The following TTC21A variants were observed in gnomAD, a reference collection of about 807,000 sequenced individuals.
TTC21A encodes the protein tetratricopeptide repeat protein 21A.
TTC21A carries 128 observed loss-of-function variants against 156.4 expected under a neutral mutation model. That is an observed-to-expected ratio of 0.82 (90% CI 0.71 to 0.95). The LOEUF (loss-of-function observed/expected upper bound fraction) is 0.95. TTC21A is among the 40% of genes least tolerant of loss of function. TTC21A has a pLI of 0.00. For missense variants in TTC21A, 1,435 were observed against 1,602.3 expected (o/e 0.90, Z 1.78); for synonymous variants, 587 against 617.1 (o/e 0.95, Z 0.72).
Position 39,138,148 on chromosome 3 carries a change from T to C in TTC21A, c.3676-119T>C, listed in dbSNP as rs1054255676. The C allele has an allele frequency of 8.0e-6, 12 of 1,503,284 alleles. No homozygotes were observed. In the African/African-American group the frequency reaches 1.5e-4, roughly 19 times the overall value. 93.1% of individuals were successfully genotyped at this position (1,503,284 alleles called of 1,614,324 possible). A position where few individuals can be genotyped will look rare whatever the true frequency, so the allele number is the denominator to read the frequency against. ...CCCCTGGGGTCCCTTGGCAGTTTGGTTTATGGCAGCTCACTTCTGTCCCTT... is the reference window on the plus strand; with the variant it reads ...CCCCTGGGGTCCCTTGGCAGTTTGGCTTATGGCAGCTCACTTCTGTCCCTT... On this transcript the variant is annotated intron_variant, in intron 26 of 28. Transcript: ENST00000683103.
Position 39,121,042 on chromosome 3 carries a change from G to A in TTC21A, c.946G>A (p.Glu316Lys), listed in dbSNP as rs764731030. ...VILGLVCSFI[E>K]RTFMATPSYV... Reference sequence around the variant, plus strand: ...TCTAGGGCTAGTGTGTAGTTTCATCGAGCGCACCTTCATGGCCACCCCCTC... The same window carrying A: ...TCTAGGGCTAGTGTGTAGTTTCATCAAGCGCACCTTCATGGCCACCCCCTC... Residue 316 changes from glutamate (E) to lysine (K), a missense_variant, in exon 9 of 29, where the codon GAG (glutamate) becomes AAG (lysine). Coordinates refer to ENST00000683103, the MANE Select transcript of TTC21A (RefSeq NM_001366900.1). 5.6e-6 allele frequency: 9 copies of A among 1,613,400 alleles called. No homozygotes were observed. Among genetic ancestry groups the A allele is most frequent in the South Asian group, 4.4e-5 (4 of 91,016 alleles).
At chr3:39,116,981 A>G (rs1239303894) in intron 6 of TTC21A, among the ~76,000 whole-genome samples, 1 of 152,196 alleles carries the variant, frequency 6.6e-6, no homozygotes, top group African/African-American at 2.4e-5. Context: ...TGCTAGGATT[A>G]CAGGTGTAAG....
At chr3:39,108,428 C>G (rs1218722078) in intron 1 of TTC21A, 1 of 155,726 alleles carries the variant, frequency 6.4e-6, no homozygotes, top group African/African-American at 2.4e-5. Context: ...ACACACCCCC[C>G]ACATGCAAAA....
chr3:39,119,815 T>A (rs2037605752), intron 7 of TTC21A, 107 bp from the exon 8 acceptor site: 8 of 763,468 alleles, frequency 1.0e-5, no homozygotes, highest in Non-Finnish European at 1.8e-5. Context: ...GGCATGGGCA[T>A]TTTTTAAATC....
chr3:39,126,515 C>CACACACACACAT lies in TTC21A; in HGVS notation c.1522+131_1522+132insACACATACACAC, dbSNP rs1553683199. ...ACACACACACACACACACACACACA[C>CACACACACACAT]ACACACTCTCCTTGCCTGGGGTACT... On this transcript the variant is annotated intron_variant, in intron 12 of 28. Coordinates refer to ENST00000683103, the MANE Select transcript of TTC21A (RefSeq NM_001366900.1). The CACACACACACAT allele has an allele frequency of 7.8e-6, 8 of 1,028,838 alleles. No homozygotes were observed. In the African/African-American group the frequency reaches 9.7e-5, roughly 12 times the overall value. 63.7% of individuals were successfully genotyped at this position (1,028,838 alleles called of 1,614,324 possible).
rs146143076 is a variant in TTC21A at position 39,118,386 on chromosome 3, C to G, written c.801+233C>G. 4.1e-4 allele frequency: 235 copies of G among 578,644 alleles called. 2 individuals carry two copies. In the East Asian group the frequency reaches 6.3e-3, roughly 16 times the overall value. 35.8% of individuals were successfully genotyped at this position (578,644 alleles called of 1,614,324 possible). On this transcript the variant is annotated intron_variant, in intron 7 of 28. Coordinates refer to ENST00000683103, the MANE Select transcript of TTC21A (RefSeq NM_001366900.1). ...GCAGTGAGATTGATTCTAGGCTCTG[C>G]CATGTGCTATCTGTGGAAGCCTGGG... is the stretch of plus-strand genomic sequence containing the variant.
chr3:39,120,835 C>T (rs766227404), intron 8 of TTC21A, among the ~76,000 whole-genome samples, 162 bp from the exon 9 acceptor site: 12 of 152,196 alleles, frequency 7.9e-5, no homozygotes. Flanking sequence ...TCCTTGGGAG[C>T]CAGACAGCAA....
chr3:39,109,985 A>T, intron 2 of TTC21A, 44 bp from the exon 3 acceptor site: 1 of 1,422,952 alleles, frequency 7.0e-7, no homozygotes, highest in Non-Finnish European at 9.9e-7. Flanking sequence ...CATGTCCTCT[A>T]GTCCTGGAGC....
At chr3:39,110,757 C>A (rs7613766) in intron 3 of TTC21A, 94 bp from the exon 4 acceptor site, 7 of 1,393,570 alleles carry the variant, frequency 5.0e-6, no homozygotes, top group African/African-American at 2.9e-5. Flanking sequence ...GGGGGAGACC[C>A]CGAGGTAGTT....
Position 39,133,655 on chromosome 3 carries a change from A to C in TTC21A, c.2751+415A>C, listed in dbSNP as rs368073740. ...AGGGAGGTGTGGCTCCAGATAAGGGAACCATAGTTGGAGTTCACGCTAACA... is the reference window on the plus strand; with the variant it reads ...AGGGAGGTGTGGCTCCAGATAAGGGCACCATAGTTGGAGTTCACGCTAACA... On this transcript the variant is annotated intron_variant, in intron 20 of 28. Transcript: ENST00000683103. Among the ~76,000 whole-genome samples the C allele has an allele frequency of 3.9e-5, 6 of 152,294 alleles. No homozygotes were observed. In the East Asian group the frequency reaches 7.7e-4, roughly 20 times the overall value.
In TTC21A at chr3:39,111,006, G is replaced by A. The variant is rs757959366; in HGVS notation, c.424G>A (p.Gly142Ser). ...TGACCGCATGCTGAAGATTTCTAGAGGCTTCAGAGAGGTACTTACCACACC... is the reference window on the plus strand; with the variant it reads ...TGACCGCATGCTGAAGATTTCTAGAAGCTTCAGAGAGGTACTTACCACACC... The part of the protein sequence containing the change: ...YIDRMLKISR[G>S]FREAYVLRGW... Residue 142 changes from glycine to serine, a missense_variant, in exon 4 of 29, where the codon GGC becomes AGC. By Grantham distance (56) the Gly-to-Ser change is moderately conservative. Coordinates refer to ENST00000683103, the MANE Select transcript of TTC21A (RefSeq NM_001366900.1). 3 of 1,610,524 alleles carry A rather than the reference G, an allele frequency of 1.9e-6. No homozygotes were observed. Among genetic ancestry groups the A allele is most frequent in the Admixed American group, 1.7e-5 (1 of 59,476 alleles).
rs369673623 is a variant in TTC21A at position 39,136,419 on chromosome 3, A to C, written c.3007A>C (p.Ile1003Leu). 3 of 1,614,216 alleles carry C rather than the reference A, an allele frequency of 1.9e-6. No homozygotes were observed. The highest frequency in any genetic ancestry group is 2.5e-6 in the Non-Finnish European group (3 of 1,180,028). Residue 1003 changes from isoleucine to leucine, a missense_variant, in exon 23 of 29, where the codon ATT (isoleucine) becomes CTT (leucine). Physicochemically the swap from Ile to Leu is conservative, Grantham distance 5. Transcript: ENST00000683103. Reference protein sequence around the residue: ...LLRRSGKLEDIPAFFELAKKV... With the variant: ...LLRRSGKLEDLPAFFELAKKV... Reference sequence around the variant, plus strand: ...AAGAAGAAGTGGAAAACTTGAAGACATTCCTGCCTTCTTTGAATTGGCCAA... The same window carrying C: ...AAGAAGAAGTGGAAAACTTGAAGACCTTCCTGCCTTCTTTGAATTGGCCAA...
chr3:39,120,245 A>G (rs1012569900), intron 8 of TTC21A, among the ~76,000 whole-genome samples: 7 of 152,126 alleles, frequency 4.6e-5, no homozygotes, highest in Non-Finnish European at 7.3e-5. Context: ...CAGAGATGCC[A>G]TGAAGATCAG....
At position 39,110,985 on chromosome 3, in the gene TTC21A, C is replaced by G. The variant is rs911128334; in HGVS notation, c.403C>G (p.Arg135Gly). 1.2e-6 allele frequency: 2 copies of G among 1,612,426 alleles called. No homozygotes were observed. The highest frequency in any genetic ancestry group is 2.7e-5 in the African/African-American group (2 of 74,970). ...TGACAAGGCCAAAGAGTACATTGAC[C>G]GCATGCTGAAGATTTCTAGAGGCTT... ...RHDKAKEYID[R>G]MLKISRGFRE... Residue 135 changes from arginine to glycine, a missense_variant, in exon 4 of 29, where the codon CGC becomes GGC. Transcript: ENST00000683103.
At chr3:39,137,878 T>C (rs2039254539) in intron 26 of TTC21A, 168 bp downstream of exon 26, 5 of 727,202 alleles carry the variant, frequency 6.9e-6, no homozygotes, top group African/African-American at 5.3e-5. Context: ...GGAATGAGGA[T>C]CAAGGGCGAT....
chr3:39,134,359 C>T lies in TTC21A; in HGVS notation c.2862+31C>T, dbSNP rs1465431049. 3.5e-6 allele frequency: 5 copies of T among 1,435,762 alleles called. No individual in the cohort carries two copies. The highest frequency in any genetic ancestry group is 3.4e-5 in the South Asian group (3 of 87,574). 88.9% of individuals were successfully genotyped at this position (1,435,762 alleles called of 1,614,324 possible). On this transcript the variant is annotated intron_variant, in intron 21 of 28. Transcript: ENST00000683103. The surrounding 1 kb of genome is among the most constrained non-coding windows in gnomAD (Gnocchi z 4.6). ...AAGCCCCCAGCACCCACTCCCTCCC[C>T]TCCCTTCCTCCCTTCCCAGGGTCCC...
chr3:39,115,475 A>G (rs1313281291), intron 6 of TTC21A, among the ~76,000 whole-genome samples: 1 of 152,216 alleles, frequency 6.6e-6, no homozygotes, highest in Non-Finnish European at 1.5e-5. Flanking sequence ...AGCCTCGGCA[A>G]CATAGTGAGA....
intron 6 of TTC21A, among the ~76,000 whole-genome samples, chr3:39,115,208 G>A (rs2037175812): frequency 6.6e-6 from 1 of 152,162 alleles, no homozygotes; most frequent in Non-Finnish European, 1.5e-5. Context: ...AGCAGGCTGG[G>A]TACATAAACC....
At chr3:39,136,549 A>C (rs1242344626) in intron 23 of TTC21A, 42 bp downstream of exon 23, 15 of 1,599,838 alleles carry the variant, frequency 9.4e-6, no homozygotes, top group Non-Finnish European at 1.3e-5. Context: ...TGTGTGCAGG[A>C]AGCCCTACTG....
Sources: allele counts gnomAD v4.1 joint callset (sites outside exome capture counted in the v4.1 genomes callset), GRCh38; gene constraint gnomAD v4.1.1; non-coding constraint Gnocchi (gnomAD v3.1); transcripts MANE v1.5; gene names NCBI Gene and HGNC (gene_info 2026-07-23, HGNC 2026-07-21).